Variants in RIMBP2 observed in about 807,000 individuals in gnomAD.
RIMBP2 encodes the protein RIMS-binding protein 2.
A neutral mutation model predicts 118.6 loss-of-function variants in RIMBP2; 48 were observed. The observed-to-expected ratio is 0.40, with a 90% CI of 0.32 to 0.51. The LOEUF (loss-of-function observed/expected upper bound fraction) is 0.51. Ranked by LOEUF, RIMBP2 falls within the 20% of genes least tolerant of loss-of-function variation. The pLI is 0.41. For missense variants in RIMBP2, 1,551 were observed against 1,768.3 expected (o/e 0.88, Z 2.20); for synonymous variants, 762 against 742.9 (o/e 1.03, Z -0.42).
At chr12:130,520,965 T>C (rs1325178510) in intron 2 of RIMBP2, among the ~76,000 whole-genome samples, 1 of 152,228 alleles carries the variant, frequency 6.6e-6, no homozygotes, top group Non-Finnish European at 1.5e-5. Context: ...CATGGGGACG[T>C]GTGGTTCCAC....
At chr12:130,634,027 C>T (rs370545795) in intron 1 of RIMBP2, among the ~76,000 whole-genome samples, 31 of 152,322 alleles carry the variant, frequency 2.0e-4, no homozygotes, top group African/African-American at 6.3e-4. Context: ...GAATGGGAGC[C>T]GTTGGCACAC....
chr12:130,695,920 A>C (rs1168218166), intron 1 of RIMBP2, among the ~76,000 whole-genome samples: 1 of 152,058 alleles, frequency 6.6e-6, no homozygotes, highest in Non-Finnish European at 1.5e-5. Flanking sequence ...TGCAGCAACT[A>C]GATGAAATAC....
intron 2 of RIMBP2, among the ~76,000 whole-genome samples, chr12:130,518,741 T>C (rs1387521736): frequency 6.6e-6 from 1 of 152,134 alleles, no homozygotes; most frequent in Non-Finnish European, 1.5e-5. Context: ...GTACAGTAAC[T>C]ACAAATAAGT....
intron 3 of RIMBP2, among the ~76,000 whole-genome samples, chr12:130,514,786 T>C (rs1326616126): frequency 1.3e-5 from 2 of 152,152 alleles, no homozygotes; most frequent in African/African-American, 4.8e-5. Flanking sequence ...TGTGAGTGAG[T>C]TTAGCAGAGC....
chr12:130,673,108 T>C (rs1196730407), intron 1 of RIMBP2, among the ~76,000 whole-genome samples: 1 of 152,220 alleles, frequency 6.6e-6, no homozygotes, highest in Non-Finnish European at 1.5e-5. Context: ...CAGTGCCTGC[T>C]CCCGCCCTTC....
chr12:130,411,355 C>G (rs940399775), intron 19 of RIMBP2, among the ~76,000 whole-genome samples: 4 of 152,142 alleles, frequency 2.6e-5, no homozygotes, highest in African/African-American at 9.7e-5. Flanking sequence ...CTTCCCCTCA[C>G]CATGTCGCCC....
chr12:130,638,725 T>C (rs1010476973), intron 1 of RIMBP2, among the ~76,000 whole-genome samples: 3 of 151,682 alleles, frequency 2.0e-5, no homozygotes, highest in African/African-American at 7.3e-5. Flanking sequence ...ACCACTGAAC[T>C]ATAGTACATT....
chr12:130,668,657 T>C (rs1191590844), intron 1 of RIMBP2: 1 of 152,314 alleles, frequency 6.6e-6, no homozygotes, highest in East Asian at 1.9e-4. Context: ...ACTGGCTCTT[T>C]ACACCACCTG....
Position 130,517,916 on chromosome 12 carries a change from T to G in RIMBP2, c.-215A>C, listed in dbSNP as rs1035873476. The G allele has an allele frequency of 6.1e-6, 6 of 984,138 alleles. No homozygotes were observed. The African/African-American group carries it at 1.0e-4, about 17-fold the overall frequency. 61.0% of individuals were successfully genotyped at this position (984,138 alleles called of 1,614,324 possible). A position where few individuals can be genotyped will look rare whatever the true frequency, so the allele number is the denominator to read the frequency against. ...CTGGGTGGCATCCTTCAGTTCATTT[T>G]CCTAGGACAAAAGGAAAGGACATGT... On this transcript the variant is annotated splice_region_variant and 5_prime_UTR_variant, in exon 3 of 23. Coordinates refer to ENST00000690449, the MANE Select transcript of RIMBP2 (RefSeq NM_001393629.1).
rs188084733 is a variant in RIMBP2 at position 130,516,394 on chromosome 12, A to T, written c.-127+1434T>A. 2.3e-3 allele frequency among the ~76,000 whole-genome samples: 351 copies of T among 152,374 alleles called. 2 individuals carry two copies. Among genetic ancestry groups the T allele is most frequent in the African/African-American group, 8.1e-3 (338 of 41,598 alleles). On this transcript the variant is annotated intron_variant, in intron 3 of 22. Transcript: ENST00000690449. ...GAAGGTACAGGAGAGACAGTCATGG[A>T]TGTAACAGCAAAGCTCTCTGCAATC...
rs1195763893 is a variant in RIMBP2, at chr12:130,683,756, T to C, written c.-352+32466A>G. Among the ~76,000 whole-genome samples, 1 of 152,124 alleles carries C rather than the reference T, an allele frequency of 6.6e-6. No homozygotes were observed. Among genetic ancestry groups the C allele is most frequent in the African/African-American group, 2.4e-5 (1 of 41,422 alleles). On this transcript the variant is annotated intron_variant, in intron 1 of 22. Transcript: ENST00000690449. This position sits in a 1 kb window ranked among gnomAD's most constrained non-coding sequence, Gnocchi z 4.4. ...CGACAATTTACAAACGCCATGGCAA[T>C]GTCAGGAAGTTACCCTATATGGTCT...
rs1022633455 is a variant in RIMBP2 at position 130,688,158 on chromosome 12, C to T, written c.-352+28064G>A. Reference sequence around the variant, plus strand: ...ATTCCAAGCATGGCCCCACAGCTCCCGGCCCAGCCTGCACTGTTCATGCTG... The same window carrying T: ...ATTCCAAGCATGGCCCCACAGCTCCTGGCCCAGCCTGCACTGTTCATGCTG... On this transcript the variant is annotated intron_variant, in intron 1 of 22. Coordinates refer to ENST00000690449, the MANE Select transcript of RIMBP2 (RefSeq NM_001393629.1). This position sits in a 1 kb window ranked among gnomAD's most constrained non-coding sequence, Gnocchi z 4.7. 1.3e-5 allele frequency among the ~76,000 whole-genome samples: 2 copies of T among 152,172 alleles called. No homozygotes were observed. Among genetic ancestry groups the T allele is most frequent in the Non-Finnish European group, 2.9e-5 (2 of 68,048 alleles).
chr12:130,598,327 C>T (rs1482945565), intron 2 of RIMBP2, among the ~76,000 whole-genome samples: 1 of 152,038 alleles, frequency 6.6e-6, no homozygotes, highest in Non-Finnish European at 1.5e-5. Flanking sequence ...TCTACAGATT[C>T]AACATGACCC....
intron 2 of RIMBP2, among the ~76,000 whole-genome samples, chr12:130,614,193 T>C (rs1383777320): frequency 6.6e-6 from 1 of 152,198 alleles, no homozygotes; most frequent in African/African-American, 2.4e-5. Context: ...ATCAATGCCA[T>C]TGTTCCCATT....
intron 1 of RIMBP2, among the ~76,000 whole-genome samples, chr12:130,650,958 TAAAA>T (rs397700189): frequency 3.7e-4 from 46 of 125,628 alleles, no homozygotes; most frequent in African/African-American, 5.6e-4. Flanking sequence ...TTGTTTTTTT[TAAAA>T]AAAAAAAAAA....
At chr12:130,664,417 A>ACGCACACGCACGCACACACGCACACG (rs1566439003) in intron 1 of RIMBP2, among the ~76,000 whole-genome samples, 1 of 80,052 alleles carries the variant, frequency 1.2e-5, no homozygotes. Flanking sequence ...GCACGCACAC[A>ACGCACACGCACGCACACACGCACACG]CACGCACACA....
intron 1 of RIMBP2, among the ~76,000 whole-genome samples, chr12:130,635,149 G>T (rs1163198175): frequency 2.0e-5 from 3 of 152,142 alleles, no homozygotes; most frequent in Non-Finnish European, 4.4e-5. Context: ...AGATTGCTTT[G>T]TTCCAGTCTC....
At chr12:130,421,725 T>TGTGTGTG (rs1566004686) in intron 17 of RIMBP2, among the ~76,000 whole-genome samples, 1 of 88,056 alleles carries the variant, frequency 1.1e-5, no homozygotes, top group South Asian at 2.6e-4. Flanking sequence ...GTGTGTGTGT[T>TGTGTGTG]TTCATAGAAG....
chr12:130,544,334 T>G (rs1280995629), intron 2 of RIMBP2, among the ~76,000 whole-genome samples: 1 of 152,230 alleles, frequency 6.6e-6, no homozygotes, highest in Non-Finnish European at 1.5e-5. Flanking sequence ...GGAAGCACTC[T>G]CTGCTGCTTC....
Sources: allele counts gnomAD v4.1 joint callset (sites outside exome capture counted in the v4.1 genomes callset), GRCh38; gene constraint gnomAD v4.1.1; non-coding constraint Gnocchi (gnomAD v3.1); transcripts MANE v1.5; gene names NCBI Gene and HGNC (gene_info 2026-07-23, HGNC 2026-07-21).